LIMS4: variants seen among roughly 807,000 people sequenced by gnomAD.
The protein encoded by LIMS4 is LIM and senescent cell antigen-like-containing domain protein 4.
At chr2:110,424,976 C>G in the LIMS4 span, among the ~76,000 whole-genome samples, 349 of 143,724 alleles carry the variant, frequency 2.4e-3, 16 homozygotes, top group African/African-American at 6.3e-3. Context: ...GGCCACCACC[C>G]CAGCCGGCAG....
the LIMS4 span, among the ~76,000 whole-genome samples, chr2:110,419,676 AAG>A: frequency 2.6e-5 from 1 of 38,232 alleles, no homozygotes; most frequent in Non-Finnish European, 4.1e-5. Flanking sequence ...AAAAAAAAAA[AAG>A]AAAAAGAAGA....
At chr2:110,371,948 C>T in the LIMS4 span, among the ~76,000 whole-genome samples, 2 of 151,976 alleles carry the variant, frequency 1.3e-5, no homozygotes, top group African/African-American at 4.9e-5. Flanking sequence ...AGTGTTGAAC[C>T]CTGCCTCCCA....
the LIMS4 span, among the ~76,000 whole-genome samples, chr2:110,394,573 C>CA: frequency 3.6e-5 from 5 of 137,778 alleles, no homozygotes; most frequent in South Asian, 2.4e-4. Flanking sequence ...CCTGTCTCTA[C>CA]AAAAAATACA....
the LIMS4 span, among the ~76,000 whole-genome samples, chr2:110,390,760 C>G: frequency 2.0e-5 from 3 of 151,784 alleles, no homozygotes; most frequent in South Asian, 6.2e-4. Flanking sequence ...AAGCACTTAC[C>G]TTGTTCCAGG....
chr2:110,387,798 G>A, the LIMS4 span: 1 of 154,862 alleles, frequency 6.5e-6, no homozygotes, highest in Admixed American at 6.5e-5. Flanking sequence ...CCAGCCTCTA[G>A]CTCATCGACT....
At chr2:110,359,292 T>TAC in the LIMS4 span, among the ~76,000 whole-genome samples, 1 of 111,946 alleles carries the variant, frequency 8.9e-6, no homozygotes, top group East Asian at 2.5e-4. Flanking sequence ...TTCCTTTTCT[T>TAC]AAAAAAAAAA....
chr2:110,368,782 C>T, the LIMS4 span, among the ~76,000 whole-genome samples: 1 of 136,330 alleles, frequency 7.3e-6, no homozygotes, highest in Admixed American at 7.6e-5. Context: ...ATATAACCTG[C>T]ACATACGGTG....
the LIMS4 span, among the ~76,000 whole-genome samples, chr2:110,382,150 TAC>T: frequency 1.4e-4 from 11 of 81,402 alleles, no homozygotes; most frequent in Admixed American, 4.5e-4. Flanking sequence ...TATATATATA[TAC>T]ATGTTTGAAC....
chr2:110,365,242 C>T, the LIMS4 span, among the ~76,000 whole-genome samples: 2 of 149,486 alleles, frequency 1.3e-5, no homozygotes, highest in Non-Finnish European at 2.9e-5. Flanking sequence ...ATATTATTCT[C>T]ATCACCACGT....
At chr2:110,422,449 G>C in the LIMS4 span, among the ~76,000 whole-genome samples, 27 of 106,362 alleles carry the variant, frequency 2.5e-4, no homozygotes, top group African/African-American at 1.8e-3. Flanking sequence ...TGACCTGCAG[G>C]CCAGAGAGGG....
the LIMS4 span, among the ~76,000 whole-genome samples, chr2:110,365,031 T>C: frequency 1.5e-5 from 2 of 137,646 alleles, no homozygotes; most frequent in African/African-American, 6.4e-5. Context: ...AGCACCCAGA[T>C]TCATAAAAAC....
chr2:110,419,656 C>CAAAAA, the LIMS4 span, among the ~76,000 whole-genome samples: 26 of 8,110 alleles, frequency 3.2e-3, no homozygotes, highest in African/African-American at 0.024. Flanking sequence ...ACAACAACAA[C>CAAAAA]AAAAAAAAAA....
the LIMS4 span, chr2:110,361,918 A>T: frequency 6.9e-7 from 1 of 1,457,034 alleles, no homozygotes; most frequent in Non-Finnish European, 9.6e-7. Context: ...GAGAACCTTG[A>T]AGGCGAGACT....
At chr2:110,402,229 TG>T in the LIMS4 span, among the ~76,000 whole-genome samples, 2 of 38,054 alleles carry the variant, frequency 5.3e-5, no homozygotes, top group African/African-American at 1.3e-4. Context: ...GAAATCAGGT[TG>T]TTTCCAATTT....
At chr2:110,424,667 G>C in the LIMS4 span, among the ~76,000 whole-genome samples, 2 of 144,182 alleles carry the variant, frequency 1.4e-5, 1 homozygote, top group African/African-American at 5.6e-5. Flanking sequence ...CAAGCCAGTG[G>C]CTCATGCCTG....
the LIMS4 span, among the ~76,000 whole-genome samples, chr2:110,367,586 T>C: frequency 7.2e-6 from 1 of 139,618 alleles, no homozygotes; most frequent in African/African-American, 3.0e-5. Context: ...TCAAGAGGGA[T>C]TAAAGACTTA....
At chr2:110,419,673 A>AAAAAG in the LIMS4 span, among the ~76,000 whole-genome samples, 1 of 44,266 alleles carries the variant, frequency 2.3e-5, no homozygotes, top group South Asian at 8.6e-4. Flanking sequence ...AAAAAAAAAA[A>AAAAAG]AAAAGAAAAA....
At chr2:110,386,757 G>C in the LIMS4 span, 1 of 755,726 alleles carries the variant, frequency 1.3e-6, no homozygotes, top group Admixed American at 2.0e-5. Flanking sequence ...AGAGGGTCCA[G>C]GGCCCAAAGG....
the LIMS4 span, among the ~76,000 whole-genome samples, chr2:110,406,149 AC>A: frequency 1.0e-5 from 1 of 100,068 alleles, no homozygotes; most frequent in Non-Finnish European, 1.8e-5. Flanking sequence ...GCATGAGATC[AC>A]CCAGCAGATA....
Sources: allele counts gnomAD v4.1 joint callset (sites outside exome capture counted in the v4.1 genomes callset), GRCh38; gene constraint gnomAD v4.1.1; transcripts MANE v1.5; gene names NCBI Gene and HGNC (gene_info 2026-07-23, HGNC 2026-07-21).